Variants in RABL6 observed in about 807,000 individuals in gnomAD.
RABL6 encodes rab-like protein 6.
In RABL6, 28 loss-of-function variants were observed where a neutral mutation model predicts 72.9. The ratio of observed to expected loss-of-function variants is 0.38; its 90% CI spans 0.28 to 0.53. The LOEUF is 0.53. Among genes scored for constraint, RABL6 ranks in the 20% least tolerant of loss-of-function variants. The pLI is 0.80. For missense variants in RABL6, 1,029 were observed against 1,008.4 expected (o/e 1.02, Z -0.28); for synonymous variants, 477 against 421.2 (o/e 1.13, Z -1.62).
intron 1 of RABL6, among the ~76,000 whole-genome samples, chr9:136,810,619 G>A (rs1015240766): frequency 2.6e-5 from 4 of 152,070 alleles, no homozygotes; most frequent in African/African-American, 9.7e-5. Flanking sequence ...TCAGCTCACT[G>A]CAAGCTCCTC....
chr9:136,822,020 A>C, intron 1 of RABL6: 1 of 1,289,670 alleles, frequency 7.8e-7, no homozygotes, highest in Non-Finnish European at 1.0e-6. Flanking sequence ...GAGGAAATGA[A>C]CAAGCTTCAG....
At chr9:136,828,223 G>A (rs1318170923) in intron 3 of RABL6, 8 of 440,966 alleles carry the variant, frequency 1.8e-5, no homozygotes, top group East Asian at 8.0e-5. Context: ...CCATCCCACC[G>A]CAGCCTGTCC....
At chr9:136,822,197 G>T in intron 1 of RABL6, 3 of 907,368 alleles carry the variant, frequency 3.3e-6, no homozygotes, top group Non-Finnish European at 4.4e-6. Context: ...GAAAACCTGG[G>T]GGGGGCGTTG....
intron 5 of RABL6, 104 bp downstream of exon 5, chr9:136,829,588 C>A: frequency 9.4e-7 from 1 of 1,059,470 alleles, no homozygotes; most frequent in Non-Finnish European, 1.4e-6. Flanking sequence ...CATCGTTCTG[C>A]AGGACCGAGG....
chr9:136,810,833 G>T (rs1471200662), intron 1 of RABL6, among the ~76,000 whole-genome samples: 1 of 152,190 alleles, frequency 6.6e-6, no homozygotes, highest in Non-Finnish European at 1.5e-5. Flanking sequence ...AAGCCACCAT[G>T]CCCGGCTTTC....
rs1263156058 is a variant in RABL6 at position 136,828,300 on chromosome 9, A to G, written c.314-194A>G. The G allele has an allele frequency of 1.9e-5, 11 of 594,348 alleles. No individual in the cohort carries two copies. The South Asian group carries it at 2.2e-4, about 12-fold the overall frequency. The allele number at this position is 594,348 out of a possible 1,614,324, so 36.8% of individuals were successfully genotyped here. Reference sequence around the variant, plus strand: ...CCAGGCCCGGCCCAGCCCTGCCTCCAGAGCCTACAGAGGGGCCTCGCCCAG... The same window carrying G: ...CCAGGCCCGGCCCAGCCCTGCCTCCGGAGCCTACAGAGGGGCCTCGCCCAG... On this transcript the variant is annotated intron_variant, in intron 3 of 14. Coordinates refer to ENST00000311502, the MANE Select transcript of RABL6 (RefSeq NM_024718.5).
At chr9:136,833,884 T>G in intron 7 of RABL6, 2 of 1,550,508 alleles carry the variant, frequency 1.3e-6, no homozygotes, top group Non-Finnish European at 1.7e-6. Flanking sequence ...CCCTCCTTCC[T>G]GCAGAGCCGT....
At chr9:136,837,156 T>C in intron 8 of RABL6, 190 bp from the exon 9 acceptor site, 1 of 737,690 alleles carries the variant, frequency 1.4e-6, no homozygotes, top group Non-Finnish European at 2.4e-6. Flanking sequence ...ATTACAGGCA[T>C]GAGCCACCGT....
At chr9:136,808,511 C>T (rs900949421) in intron 1 of RABL6, 185 bp downstream of exon 1, 13 of 465,888 alleles carry the variant, frequency 2.8e-5, no homozygotes, top group Admixed American at 1.0e-4. Context: ...AGGCCAGGGC[C>T]GGGTCCTCGC....
intron 1 of RABL6, chr9:136,813,984 C>A: frequency 2.5e-6 from 1 of 393,618 alleles, no homozygotes; most frequent in Non-Finnish European, 5.0e-6. Context: ...AAAGTATTCT[C>A]ACATCTTGCT....
Position 136,808,043 on chromosome 9 carries a change from G to C in RABL6, c.-154G>C. 9.3e-7 allele frequency: 1 copy of C among 1,080,326 alleles called. No individual in the cohort carries two copies. The highest frequency in any genetic ancestry group is 1.1e-6 in the Non-Finnish European group (1 of 888,442). The allele number at this position is 1,080,326 out of a possible 1,614,324, so 66.9% of individuals were successfully genotyped here. A position where few individuals can be genotyped will look rare whatever the true frequency, so the allele number is the denominator to read the frequency against. The stretch of plus-strand genomic sequence containing the variant: ...CTGAGGTTCCCGAGTCGCCGCTCGG[G>C]GCTGCGCTCCGCCGCCGGGACCCCG... On this transcript the variant is annotated 5_prime_UTR_variant, in exon 1 of 15. Coordinates refer to ENST00000311502, the MANE Select transcript of RABL6 (RefSeq NM_024718.5).
chr9:136,818,377 A>AAAAC (rs1848165250), intron 1 of RABL6, among the ~76,000 whole-genome samples: 1 of 28,752 alleles, frequency 3.5e-5, no homozygotes, highest in Non-Finnish European at 6.5e-5. Context: ...AAAAAAAAAA[A>AAAAC]AAAAAAAAAA....
chr9:136,839,339 G>A lies in RABL6; in HGVS notation c.1611G>A (p.Arg537=). The A allele has an allele frequency of 6.2e-7, 1 of 1,612,708 alleles. No individual in the cohort carries two copies. The highest frequency in any genetic ancestry group is 8.5e-7 in the Non-Finnish European group (1 of 1,179,794). ...GTCCGGAGAAGCGCAGCAGCACCAG[G>A]CCCCCTGCTGAGATGGAGCCGGGGA... ...RTGPEKRSST[R]PPAEMEPGKG... The change falls in exon 12 of 15, where the codon AGG becomes AGA. Residue 537 remains arginine (R), a synonymous_variant. Coordinates refer to ENST00000311502, the MANE Select transcript of RABL6 (RefSeq NM_024718.5).
chr9:136,817,153 AGC>A (rs1848136656), intron 1 of RABL6, among the ~76,000 whole-genome samples: 1 of 134,926 alleles, frequency 7.4e-6, no homozygotes, highest in East Asian at 2.4e-4. Context: ...CAGGAGAAGC[AGC>A]ACGAGAAGCA....
chr9:136,834,564 T>A, intron 7 of RABL6: 1 of 769,860 alleles, frequency 1.3e-6, no homozygotes, highest in Non-Finnish European at 1.6e-6. Flanking sequence ...CTGTAACCTC[T>A]GCCTCCTGGG....
chr9:136,832,319 C>A lies in RABL6; in HGVS notation c.654C>A (p.Phe218Leu). Reference sequence around the variant, plus strand: ...CTGAGTCTTCCATGAAGAACAGCTTCGGCCTAAAGTACCTTCATAAGTTCT... The same window carrying A: ...CTGAGTCTTCCATGAAGAACAGCTTAGGCCTAAAGTACCTTCATAAGTTCT... ...RYAESSMKNS[F>L]GLKYLHKFFN... The change falls in exon 7 of 15, where the codon TTC becomes TTA. Residue 218 changes from phenylalanine to leucine, a missense_variant. Physicochemically the swap from Phe to Leu is conservative, Grantham distance 22 (BLOSUM62 0). Coordinates refer to ENST00000311502, the MANE Select transcript of RABL6 (RefSeq NM_024718.5). 6.2e-7 allele frequency: 1 copy of A among 1,613,950 alleles called. No homozygotes were observed. The highest frequency in any genetic ancestry group is 8.5e-7 in the Non-Finnish European group (1 of 1,179,852).
chr9:136,840,136 T>C lies in RABL6; in HGVS notation c.1931-18T>C, dbSNP rs1848662429. ...CCGTTGGCCTGAGTTTGAGCCACTG[T>C]CTGTCCTGTCTGTGCAGGTAAGGAG... is the stretch of plus-strand genomic sequence containing the variant. On this transcript the variant is annotated intron_variant, in intron 13 of 14. Transcript: ENST00000311502. The C allele has an allele frequency of 1.9e-6, 3 of 1,612,810 alleles. No homozygotes were observed. The highest frequency in any genetic ancestry group is 1.1e-5 in the South Asian group (1 of 91,078).
chr9:136,815,563 T>C (rs1027815312), intron 1 of RABL6: 1 of 213,760 alleles, frequency 4.7e-6, no homozygotes, highest in African/African-American at 2.4e-5. Context: ...ATGGGAAATC[T>C]TTGCAGGGTG....
intron 13 of RABL6, 113 bp downstream of exon 13, chr9:136,839,978 C>T: frequency 1.3e-6 from 2 of 1,490,136 alleles, no homozygotes; most frequent in Non-Finnish European, 1.8e-6. Flanking sequence ...GGATGCTGTG[C>T]CATGCTCCTG....
Sources: gnomAD v4.1 joint callset for allele counts (sites outside exome capture counted in the v4.1 genomes callset) on GRCh38, gnomAD v4.1.1 for gene constraint, MANE v1.5 for transcripts, NCBI Gene and HGNC (gene_info 2026-07-23, HGNC 2026-07-21) for gene names.